Variants in DPP10 observed in about 807,000 individuals in gnomAD.
DPP10 encodes inactive dipeptidyl peptidase 10.
In DPP10, 33 loss-of-function variants were observed where a neutral mutation model predicts 120.9. That is an observed-to-expected ratio of 0.27 (90% CI 0.21 to 0.37). The LOEUF (loss-of-function observed/expected upper bound fraction) is 0.37, where lower values mean the gene tolerates loss of function less well. DPP10 is among the 10% of genes least tolerant of loss of function. The probability of loss-of-function intolerance (pLI) is 1.00; values close to 1 mark genes in which losing one functional copy is unlikely to be tolerated. For missense variants in DPP10, 816 were observed against 942.8 expected, an observed-to-expected ratio of 0.87 and a Z score of 1.76; for synonymous variants, 337 against 326.1, an observed-to-expected ratio of 1.03 and a Z score of -0.36.
intron 1 of DPP10, among the ~76,000 whole-genome samples, chr2:115,293,235 A>G (rs1378582242): frequency 1.3e-5 from 2 of 152,162 alleles, no homozygotes; most frequent in African/African-American, 4.8e-5. Context: ...CAGAAAAGCT[A>G]AATGAACATC....
intron 7 of DPP10, among the ~76,000 whole-genome samples, chr2:115,727,121 C>T (rs780548973): frequency 4.6e-5 from 7 of 151,996 alleles, no homozygotes; most frequent in Non-Finnish European, 7.4e-5. Context: ...TAGTTTGCAC[C>T]ATTGTTCCTG....
At chr2:115,663,842 A>C (rs1413328821) in intron 5 of DPP10, among the ~76,000 whole-genome samples, 1 of 151,938 alleles carries the variant, frequency 6.6e-6, no homozygotes, top group Non-Finnish European at 1.5e-5. Context: ...TCAAAATACA[A>C]AAATTAGCCG....
intron 3 of DPP10, among the ~76,000 whole-genome samples, chr2:115,375,504 A>G (rs2065726106): frequency 6.6e-6 from 1 of 152,154 alleles, no homozygotes; most frequent in South Asian, 2.1e-4. Flanking sequence ...TGACCCCTCC[A>G]AATTGCTCCA....
intron 1 of DPP10, among the ~76,000 whole-genome samples, chr2:114,685,021 G>A (rs941325909): frequency 1.3e-5 from 2 of 151,906 alleles, no homozygotes; most frequent in South Asian, 2.1e-4. Flanking sequence ...GAGTCAAAAG[G>A]ACATATTTTA....
intron 1 of DPP10, among the ~76,000 whole-genome samples, chr2:114,608,088 C>T (rs984920843): frequency 2.0e-5 from 3 of 152,220 alleles, no homozygotes; most frequent in Admixed American, 2.0e-4. Context: ...GTCATTACTC[C>T]GTAACTCTCC....
intron 1 of DPP10, among the ~76,000 whole-genome samples, chr2:115,277,783 G>A (rs1233498211): frequency 6.6e-6 from 1 of 152,002 alleles, no homozygotes; most frequent in Non-Finnish European, 1.5e-5. Context: ...TATCACATAT[G>A]TAAAATATTA....
At chr2:115,071,155 C>A (rs967665970) in intron 1 of DPP10, among the ~76,000 whole-genome samples, 87 of 152,184 alleles carry the variant, frequency 5.7e-4, no homozygotes, top group African/African-American at 1.9e-3. Flanking sequence ...TTCAAAGAGT[C>A]AGCAATAGAA....
intron 1 of DPP10, among the ~76,000 whole-genome samples, chr2:114,932,315 T>C (rs1696135596): frequency 1.3e-5 from 2 of 152,328 alleles, no homozygotes; most frequent in African/African-American, 4.8e-5. Flanking sequence ...ACTAAGTATA[T>C]ACCAAGAGAA....
intron 17 of DPP10, among the ~76,000 whole-genome samples, chr2:115,788,945 T>C (rs1001210598): frequency 2.6e-5 from 4 of 151,958 alleles, no homozygotes; most frequent in African/African-American, 4.8e-5. Flanking sequence ...GGTGAAACCC[T>C]GTCTCTACTA....
chr2:115,418,937 C>T (rs1000876726), intron 3 of DPP10, among the ~76,000 whole-genome samples: 1 of 152,182 alleles, frequency 6.6e-6, no homozygotes, highest in African/African-American at 2.4e-5. Context: ...AATATTCACT[C>T]CTCTTCAGTG....
intron 1 of DPP10, among the ~76,000 whole-genome samples, chr2:114,740,398 C>A (rs1677918111): frequency 1.4e-5 from 2 of 145,014 alleles, no homozygotes; most frequent in African/African-American, 2.6e-5. Context: ...AGGAGATATA[C>A]CTAATGCTAA....
chr2:115,680,853 A>C (rs2149472705), intron 5 of DPP10, among the ~76,000 whole-genome samples: 1 of 152,096 alleles, frequency 6.6e-6, no homozygotes, highest in South Asian at 2.1e-4. Context: ...GAGATCAATA[A>C]GAAAAAGATG....
intron 1 of DPP10, among the ~76,000 whole-genome samples, chr2:114,963,048 A>G (rs1488730480): frequency 6.6e-6 from 1 of 152,232 alleles, no homozygotes; most frequent in Non-Finnish European, 1.5e-5. Context: ...TCTGAGCATA[A>G]CAATCACAGC....
intron 1 of DPP10, among the ~76,000 whole-genome samples, chr2:115,275,424 A>G (rs1351367519): frequency 3.3e-5 from 5 of 152,244 alleles, no homozygotes; most frequent in Non-Finnish European, 2.9e-5. Flanking sequence ...ATTAGGGTGC[A>G]TAATCTCATA....
chr2:115,450,935 T>C (rs948834238), intron 3 of DPP10, among the ~76,000 whole-genome samples: 1 of 151,908 alleles, frequency 6.6e-6, no homozygotes, highest in African/African-American at 2.4e-5. Context: ...TAAAATGCTG[T>C]TTTTCAGTTA....
At chr2:115,309,072 C>A (rs927521385) in intron 1 of DPP10, among the ~76,000 whole-genome samples, 167 bp from the exon 2 acceptor site, 2 of 151,996 alleles carry the variant, frequency 1.3e-5, no homozygotes, top group South Asian at 2.1e-4. Flanking sequence ...CAAAAGATAG[C>A]CATTTATAAT....
chr2:115,694,563 G>A (rs2091482086), intron 7 of DPP10, among the ~76,000 whole-genome samples: 1 of 152,196 alleles, frequency 6.6e-6, no homozygotes, highest in African/African-American at 2.4e-5. Context: ...AGAAGGTGGT[G>A]AGTGAACCAC....
At chr2:115,532,482 G>A (rs1297810529) in intron 5 of DPP10, among the ~76,000 whole-genome samples, 1 of 151,864 alleles carries the variant, frequency 6.6e-6, no homozygotes, top group Non-Finnish European at 1.5e-5. Flanking sequence ...TAATTAATTG[G>A]AAGGCAAGTG....
chr2:114,574,500 G>A (rs984113060), intron 1 of DPP10, among the ~76,000 whole-genome samples: 1 of 152,180 alleles, frequency 6.6e-6, no homozygotes, highest in Non-Finnish European at 1.5e-5. Flanking sequence ...TGAGCCTTGG[G>A]AATGTGAAGA....
Sources: gnomAD v4.1 joint callset for allele counts (sites outside exome capture counted in the v4.1 genomes callset) on GRCh38, gnomAD v4.1.1 for gene constraint, MANE v1.5 for transcripts, NCBI Gene and HGNC (gene_info 2026-07-23, HGNC 2026-07-21) for gene names.